Variants in ATRX observed in about 807,000 individuals in gnomAD.
ATRX encodes chromatin remodeler ATRX.
In ATRX, 12 loss-of-function variants were observed where a neutral mutation model predicts 172.6. The observed-to-expected ratio is 0.07, with a 90% CI of 0.04 to 0.11. ATRX has a LOEUF of 0.11. Among genes scored for constraint, ATRX ranks in the 10% least tolerant of loss-of-function variants. ATRX has a pLI of 1.00. For missense variants in ATRX, 1,368 were observed against 1,767.4 expected (o/e 0.77, Z 4.05); for synonymous variants, 674 against 594.7 (o/e 1.13, Z -1.94).
intron 27 of ATRX, 30 bp from the exon 28 acceptor site, chrX:77,574,388 A>G (rs782516794): frequency 1.2e-4 from 122 of 1,022,582 alleles, no homozygotes; most frequent in Non-Finnish European, 1.3e-4. Context: ...ACACAAAAGG[A>G]ATTTGATATA....
rs1205903424 is a variant in ATRX, at chrX:77,683,442, C to T, written c.1814G>A (p.Cys605Tyr). 7.4e-6 allele frequency: 9 copies of T among 1,208,128 alleles called. No homozygotes were observed. Among genetic ancestry groups the T allele is most frequent in the Non-Finnish European group, 1.0e-5 (9 of 893,369 alleles). Residue 605 changes from cysteine (C) to tyrosine (Y), a missense_variant, in exon 9 of 35, where the codon TGT becomes TAT. Around this residue, in one of 17 missense-constraint regions of ATRX, gnomAD observed 843 missense variants for 643.1 expected, o/e 1.31. Coordinates refer to ENST00000373344, the MANE Select transcript of ATRX (RefSeq NM_000489.6). ...ATCTTTATCTTGTGGAACTTCCTGACAATCAGCACCTTTAATTGGGGAATT... is the reference window on the plus strand; with the variant it reads ...ATCTTTATCTTGTGGAACTTCCTGATAATCAGCACCTTTAATTGGGGAATT... ...LSNSPIKGAD[C>Y]QEVPQDKDGY... is the part of the protein sequence containing the mutation.
intron 1 of ATRX, among the ~76,000 whole-genome samples, chrX:77,766,364 G>C (rs1304068355): frequency 1.8e-5 from 2 of 110,785 alleles, no homozygotes; most frequent in African/African-American, 6.6e-5. Context: ...GCCGGGCGGA[G>C]ACGCTCCTCA....
intron 1 of ATRX, among the ~76,000 whole-genome samples, chrX:77,772,176 T>C (rs972210411): frequency 9.2e-6 from 1 of 108,895 alleles, no homozygotes; most frequent in Non-Finnish European, 1.9e-5. Context: ...CATACGCCTG[T>C]AGTCCCGGCT....
intron 17 of ATRX, 91 bp from the exon 18 acceptor site, chrX:77,633,803 C>A: frequency 1.9e-5 from 19 of 984,379 alleles, no homozygotes; most frequent in East Asian, 1.0e-4. Context: ...CTTTGTTTTG[C>A]TTAAACAATA....
At chrX:77,773,751 C>G (rs2076249065) in intron 1 of ATRX, among the ~76,000 whole-genome samples, 1 of 100,294 alleles carries the variant, frequency 1.0e-5, no homozygotes, top group Non-Finnish European at 2.0e-5. Context: ...GACTCTGTCT[C>G]AGAAAAAAAA....
At chrX:77,550,612 C>T (rs1212015415) in intron 30 of ATRX, among the ~76,000 whole-genome samples, 2 of 111,020 alleles carry the variant, frequency 1.8e-5, no homozygotes, top group African/African-American at 6.6e-5. Flanking sequence ...GAAGTTCTGG[C>T]CAGGGCAATC....
intron 34 of ATRX, among the ~76,000 whole-genome samples, chrX:77,518,235 G>C (rs2063117603): frequency 1.8e-5 from 2 of 111,946 alleles, no homozygotes; most frequent in Non-Finnish European, 1.9e-5. Context: ...AAATTATCCT[G>C]TTTGCAAATG....
chrX:77,722,249 T>C (rs782239121), intron 1 of ATRX, among the ~76,000 whole-genome samples: 1 of 110,869 alleles, frequency 9.0e-6, no homozygotes, highest in South Asian at 3.8e-4. Context: ...CAAACCACCA[T>C]TCAGGACATA....
intron 1 of ATRX, 91 bp downstream of exon 1, chrX:77,785,890 TA>T: frequency 4.5e-6 from 5 of 1,112,258 alleles, no homozygotes; most frequent in Non-Finnish European, 4.7e-6. Context: ...CACACAGGCC[TA>T]ACCCACCAAG....
intron 2 of ATRX, among the ~76,000 whole-genome samples, chrX:77,713,254 A>G (rs2073202602): frequency 8.9e-6 from 1 of 112,155 alleles, no homozygotes; most frequent in South Asian, 3.7e-4. Context: ...TCTAGAAAGA[A>G]GACTGGAATT....
chrX:77,539,710 T>G (rs2063895582), intron 30 of ATRX, among the ~76,000 whole-genome samples: 1 of 111,700 alleles, frequency 9.0e-6, no homozygotes, highest in Non-Finnish European at 1.9e-5. Flanking sequence ...CATATCCAGC[T>G]AAACTAAGCT....
At chrX:77,649,368 T>A (rs1440462645) in intron 15 of ATRX, among the ~76,000 whole-genome samples, 11 of 111,846 alleles carry the variant, frequency 9.8e-5, no homozygotes, top group Admixed American at 5.7e-4. Flanking sequence ...TTTATAATTT[T>A]AAAAAAATAA....
At chrX:77,510,858 G>A (rs1313943822) in intron 34 of ATRX, among the ~76,000 whole-genome samples, 2 of 112,685 alleles carry the variant, frequency 1.8e-5, no homozygotes, top group Non-Finnish European at 3.8e-5. Context: ...GCCTAGGGCT[G>A]GGGGAAATCT....
At chrX:77,715,799 G>A (rs188067913) in intron 2 of ATRX, among the ~76,000 whole-genome samples, 75 of 110,760 alleles carry the variant, frequency 6.8e-4, no homozygotes, top group African/African-American at 2.2e-3. Context: ...TCTCCAAATA[G>A]GACTTTTAAC....
intron 1 of ATRX, among the ~76,000 whole-genome samples, chrX:77,777,024 G>A (rs1292202784): frequency 9.1e-6 from 1 of 109,421 alleles, no homozygotes; most frequent in Non-Finnish European, 1.9e-5. Context: ...CAGTGCAAAA[G>A]CAGCCACAGA....
At chrX:77,690,964 T>C (rs1309534841) in intron 6 of ATRX, 6 of 112,097 alleles carry the variant, frequency 5.4e-5, no homozygotes, top group Non-Finnish European at 1.9e-5. Flanking sequence ...TGGGAATAAC[T>C]TCCTATGTGG....
At chrX:77,685,123 G>A in intron 7 of ATRX, 117 bp from the exon 8 acceptor site, 1 of 572,732 alleles carries the variant, frequency 1.7e-6, no homozygotes, top group Admixed American at 2.9e-5. Context: ...CAGGACACTG[G>A]TGTGGGCAAA....
chrX:77,725,807 G>A (rs1557172462), intron 1 of ATRX, among the ~76,000 whole-genome samples: 3 of 112,098 alleles, frequency 2.7e-5, no homozygotes. Context: ...TCAAAAAGTA[G>A]GCAAAGGATA....
intron 1 of ATRX, among the ~76,000 whole-genome samples, chrX:77,741,459 TTTTG>T (rs782206405): frequency 1.5e-4 from 17 of 109,858 alleles, no homozygotes; most frequent in African/African-American, 3.0e-4. Flanking sequence ...GATTGCTTCA[TTTTG>T]TTTGTTTGTT....
Sources: allele counts gnomAD v4.1 joint callset (sites outside exome capture counted in the v4.1 genomes callset), GRCh38; gene constraint gnomAD v4.1.1; regional missense constraint gnomAD v4.1.1; transcripts MANE v1.5; gene names NCBI Gene and HGNC (gene_info 2026-07-23, HGNC 2026-07-21).